The following KAZN variants were observed in gnomAD, a reference collection of about 807,000 sequenced individuals.
The protein encoded by KAZN is kazrin.
Under a neutral mutation model 87.4 loss-of-function variants are expected in KAZN, and 40 were observed. The ratio of observed to expected loss-of-function variants is 0.46; its 90% CI spans 0.36 to 0.60. The LOEUF (loss-of-function observed/expected upper bound fraction) is 0.60, where lower values mean the gene tolerates loss of function less well. KAZN is among the 20% of genes least tolerant of loss of function. KAZN has a pLI of 0.00. For missense variants in KAZN, 898 were observed against 1,073.9 expected, an observed-to-expected ratio of 0.84 and a Z score of 2.29; for synonymous variants, 466 against 458.3, an observed-to-expected ratio of 1.02 and a Z score of -0.22.
intron 3 of KAZN, among the ~76,000 whole-genome samples, chr1:15,036,022 C>T (rs545398349): frequency 1.9e-3 from 284 of 152,172 alleles, no homozygotes; most frequent in Non-Finnish European, 5.3e-4. Flanking sequence ...TGCTTGGTCC[C>T]CCCTACCCAC....
At chr1:14,494,534 C>T (rs1669841914) in intron 2 of KAZN, among the ~76,000 whole-genome samples, 1 of 152,150 alleles carries the variant, frequency 6.6e-6, no homozygotes, top group Non-Finnish European at 1.5e-5. Flanking sequence ...ATGCCAATCC[C>T]CCTTCAGGTC....
intron 1 of KAZN, among the ~76,000 whole-genome samples, chr1:14,922,338 G>A (rs773324005): frequency 3.9e-5 from 6 of 152,214 alleles, no homozygotes; most frequent in Admixed American, 1.3e-4. Flanking sequence ...CTCCGCTCTC[G>A]GGTGCTCAGA....
At chr1:15,047,683 A>G (rs758926356) in intron 4 of KAZN, among the ~76,000 whole-genome samples, 5 of 152,108 alleles carry the variant, frequency 3.3e-5, no homozygotes, top group Admixed American at 6.5e-5. Context: ...AGGCAGGACA[A>G]TCGCTTGAAC....
At chr1:14,396,372 C>T (rs1199564484) in intron 2 of KAZN, among the ~76,000 whole-genome samples, 1 of 152,116 alleles carries the variant, frequency 6.6e-6, no homozygotes, top group East Asian at 1.9e-4. Flanking sequence ...AAACCCAAGT[C>T]CCTGCCAGCC....
intron 1 of KAZN, among the ~76,000 whole-genome samples, chr1:14,662,944 A>C (rs1572166244): frequency 7.0e-6 from 1 of 142,852 alleles, no homozygotes; most frequent in Non-Finnish European, 1.5e-5. Flanking sequence ...TATATATGTA[A>C]ATATATATAT....
At chr1:14,513,259 G>A (rs1208373008) in intron 2 of KAZN, among the ~76,000 whole-genome samples, 2 of 152,050 alleles carry the variant, frequency 1.3e-5, no homozygotes, top group East Asian at 1.9e-4. Context: ...TGTGTTAGCC[G>A]GTCCCTCTCC....
chr1:14,273,331 GAGA>G (rs1047397503), intron 2 of KAZN, among the ~76,000 whole-genome samples: 1 of 152,056 alleles, frequency 6.6e-6, no homozygotes, highest in Non-Finnish European at 1.5e-5. Context: ...TTGCCAAGTT[GAGA>G]AGATGGTTCA....
chr1:14,134,968 C>T (rs575059021), intron 1 of KAZN, among the ~76,000 whole-genome samples: 7 of 40,732 alleles, frequency 1.7e-4, no homozygotes, highest in South Asian at 1.4e-3. Flanking sequence ...CATATGCACC[C>T]GCACACACAC....
At chr1:15,106,841 G>A (rs954643312) in intron 13 of KAZN, among the ~76,000 whole-genome samples, 5 of 152,262 alleles carry the variant, frequency 3.3e-5, no homozygotes, top group South Asian at 2.1e-4. Context: ...ACCTTGGTCC[G>A]GCGCCAACAA....
At chr1:14,206,944 C>A (rs1163886073) in intron 2 of KAZN, among the ~76,000 whole-genome samples, 5 of 146,618 alleles carry the variant, frequency 3.4e-5, no homozygotes, top group Non-Finnish European at 5.9e-5. Flanking sequence ...TACATCCTTT[C>A]TTTTCTTCTT....
chr1:14,737,641 C>G (rs941518465), intron 1 of KAZN, among the ~76,000 whole-genome samples: 1 of 152,202 alleles, frequency 6.6e-6, no homozygotes, highest in Non-Finnish European at 1.5e-5. Flanking sequence ...CAGGGACTCA[C>G]GGGGCAGAAA....
At chr1:15,048,411 C>CATGTGTGTGT (rs1005571595) in intron 4 of KAZN, among the ~76,000 whole-genome samples, 1 of 144,308 alleles carries the variant, frequency 6.9e-6, no homozygotes, top group Non-Finnish European at 1.5e-5. Context: ...CAAGGGACCG[C>CATGTGTGTGT]ATGTGTGTGT....
At chr1:14,488,358 T>A (rs1669465065) in intron 2 of KAZN, among the ~76,000 whole-genome samples, 1 of 152,114 alleles carries the variant, frequency 6.6e-6, no homozygotes, top group Non-Finnish European at 1.5e-5. Flanking sequence ...GTCGCTAAGG[T>A]CTGAACAATT....
At chr1:13,998,640 A>G (rs973892832) in intron 1 of KAZN, among the ~76,000 whole-genome samples, 2 of 152,206 alleles carry the variant, frequency 1.3e-5, no homozygotes, top group African/African-American at 4.8e-5. Context: ...GTAATGGTAA[A>G]GGGAACAATG....
At chr1:14,473,736 TCCA>T (rs1668576360) in intron 2 of KAZN, among the ~76,000 whole-genome samples, 1 of 151,792 alleles carries the variant, frequency 6.6e-6, no homozygotes, top group African/African-American at 2.4e-5. Context: ...CCTCACCATC[TCCA>T]CATGTCTATG....
At chr1:14,835,923 G>T (rs184429027) in intron 1 of KAZN, among the ~76,000 whole-genome samples, 1 of 152,094 alleles carries the variant, frequency 6.6e-6, no homozygotes, top group Admixed American at 6.6e-5. Flanking sequence ...CAGTGAGACT[G>T]AAAACAAAAG....
At chr1:14,514,588 T>TATA (rs1261372147) in intron 2 of KAZN, among the ~76,000 whole-genome samples, 6,362 of 59,112 alleles carry the variant, frequency 0.11, 1,857 homozygotes, top group Non-Finnish European at 0.16. Context: ...ATATATTTTT[T>TATA]TATATTTTAT....
In KAZN at chr1:14,773,430, T is replaced by C. The variant is rs563832399; in HGVS notation, c.226+174207T>C. Among the ~76,000 whole-genome samples, 22 of 152,232 alleles carry C rather than the reference T, an allele frequency of 1.4e-4. No homozygotes were observed. Among genetic ancestry groups the C allele is most frequent in the Admixed American group, 1.4e-3 (22 of 15,296 alleles). ...TCTCCCTTCTTGTAGCATTTTCAAC[T>C]CTGCCTCAAATCAACTCTGCACTAA... On this transcript the variant is annotated intron_variant, in intron 1 of 14. Transcript: ENST00000376030. The surrounding 1 kb of genome is among the most constrained non-coding windows in gnomAD (Gnocchi z 5.9).
In KAZN at chr1:15,116,276, C is replaced by T. The variant is rs904734501; in HGVS notation, c.*1641C>T. On this transcript the variant is annotated 3_prime_UTR_variant, in exon 15 of 15. Transcript: ENST00000376030. The stretch of plus-strand genomic sequence containing the variant: ...TCTGAGAACCCTCAAAGCGTGTGTT[C>T]TTCAACCTGGCAAATTGTTTCCTCT... 1.8e-4 allele frequency: 27 copies of T among 152,230 alleles called. No homozygotes were observed. The highest frequency in any genetic ancestry group is 6.3e-4 in the African/African-American group (26 of 41,450). The allele number at this position is 152,230 out of a possible 1,614,324, so 9.4% of individuals were successfully genotyped here.
Sources: allele counts gnomAD v4.1 joint callset (sites outside exome capture counted in the v4.1 genomes callset), GRCh38; gene constraint gnomAD v4.1.1; non-coding constraint Gnocchi (gnomAD v3.1); transcripts MANE v1.5; gene names NCBI Gene and HGNC (gene_info 2026-07-23, HGNC 2026-07-21).